The following GNA14 variants were observed in gnomAD, a reference collection of about 807,000 sequenced individuals.
The protein encoded by GNA14 is G protein subunit alpha 14, also known as guanine nucleotide-binding protein subunit alpha-14.
Under a neutral mutation model 42.0 loss-of-function variants are expected in GNA14, and 50 were observed. The ratio of observed to expected loss-of-function variants is 1.19; its 90% CI spans 0.95 to 1.51. GNA14 has a LOEUF of 1.51. Among genes scored for constraint, GNA14 ranks in the 40% most tolerant of loss-of-function variants. The pLI, the probability that GNA14 is intolerant of heterozygous loss-of-function variation, is 0.00. For missense variants in GNA14, 473 were observed against 446.2 expected, an observed-to-expected ratio of 1.06 and a Z score of -0.54; for synonymous variants, 173 against 163.1, an observed-to-expected ratio of 1.06 and a Z score of -0.46.
intron 1 of GNA14, among the ~76,000 whole-genome samples, chr9:77,581,371 G>T (rs1394644703): frequency 6.6e-6 from 1 of 152,132 alleles, no homozygotes; most frequent in African/African-American, 2.4e-5. Flanking sequence ...CCTAGCTATG[G>T]GCAAATCTTC....
intron 2 of GNA14, among the ~76,000 whole-genome samples, chr9:77,503,034 C>T (rs896653114): frequency 4.6e-5 from 7 of 152,144 alleles, no homozygotes; most frequent in African/African-American, 7.2e-5. Flanking sequence ...AACTCAACAC[C>T]GTGTCCTTCC....
intron 2 of GNA14, among the ~76,000 whole-genome samples, chr9:77,495,304 A>AC (rs1836853302): frequency 6.6e-6 from 1 of 151,998 alleles, no homozygotes; most frequent in Admixed American, 6.5e-5. Flanking sequence ...GTTAGTAGCT[A>AC]ACTAGCTAAT....
At chr9:77,448,746 G>T (rs908626894) in intron 2 of GNA14, among the ~76,000 whole-genome samples, 1 of 152,294 alleles carries the variant, frequency 6.6e-6, no homozygotes, top group Admixed American at 6.5e-5. Flanking sequence ...CGAGGTAGAC[G>T]TATGCAACTA....
intron 1 of GNA14, among the ~76,000 whole-genome samples, chr9:77,568,385 G>T (rs766795495): frequency 6.6e-6 from 1 of 151,732 alleles, no homozygotes; most frequent in South Asian, 2.1e-4. Context: ...CCAGCTACTC[G>T]GGAGGCTGAG....
Position 77,443,273 on chromosome 9 carries a change from A to G in GNA14, c.310-8751T>C, listed in dbSNP as rs188812649. 3.3e-5 allele frequency among the ~76,000 whole-genome samples: 5 copies of G among 152,364 alleles called. No homozygotes were observed. The East Asian group carries it at 9.6e-4, about 29-fold the overall frequency. On this transcript the variant is annotated intron_variant, in intron 2 of 6. Coordinates refer to ENST00000341700, the MANE Select transcript of GNA14 (RefSeq NM_004297.4). ...AAAAGCACACCTAGAATATTTATAA[A>G]AATACTTTTAAAAGCATATCTAGAA...
chr9:77,513,639 G>A (rs1359773772), intron 2 of GNA14, among the ~76,000 whole-genome samples: 1 of 152,126 alleles, frequency 6.6e-6, no homozygotes, highest in African/African-American at 2.4e-5. Context: ...TGACACTCCT[G>A]GCCTCTGCCC....
intron 1 of GNA14, among the ~76,000 whole-genome samples, chr9:77,569,190 C>G (rs1001230462): frequency 1.3e-5 from 2 of 151,642 alleles, no homozygotes; most frequent in Non-Finnish European, 2.9e-5. Context: ...AAAAAAGGTT[C>G]CCTCCCCGCA....
chr9:77,432,824 G>C (rs535522400), intron 3 of GNA14, among the ~76,000 whole-genome samples: 40 of 152,210 alleles, frequency 2.6e-4, no homozygotes, highest in Admixed American at 2.4e-3. Context: ...CAATCCCCAG[G>C]CCTTCACAGA....
chr9:77,426,662 G>A (rs1413965924), intron 5 of GNA14, among the ~76,000 whole-genome samples: 1 of 152,172 alleles, frequency 6.6e-6, no homozygotes, highest in African/African-American at 2.4e-5. Context: ...CCTGGGGAAG[G>A]TTGTGTAGAA....
chr9:77,614,764 C>A (rs545560418), intron 1 of GNA14, among the ~76,000 whole-genome samples: 1 of 152,252 alleles, frequency 6.6e-6, no homozygotes, highest in East Asian at 1.9e-4. Flanking sequence ...ATTAATAGAT[C>A]AACTTGGCTT....
intron 1 of GNA14, among the ~76,000 whole-genome samples, chr9:77,542,953 G>A (rs1837677985): frequency 6.6e-6 from 1 of 152,180 alleles, no homozygotes; most frequent in Non-Finnish European, 1.5e-5. Context: ...ACAGGCCACT[G>A]GCACAATGTT....
chr9:77,625,885 A>G (rs1357751387), intron 1 of GNA14, among the ~76,000 whole-genome samples: 15 of 152,212 alleles, frequency 9.9e-5, no homozygotes, highest in Admixed American at 9.8e-4. Context: ...ACACATAACA[A>G]TATTAACCTT....
intron 2 of GNA14, among the ~76,000 whole-genome samples, chr9:77,440,036 T>C (rs572052839): frequency 5.3e-5 from 8 of 152,244 alleles, no homozygotes; most frequent in Admixed American, 3.3e-4. Context: ...ATTCATTTAA[T>C]TGAAAAAAAT....
At chr9:77,443,134 G>C (rs1315026890) in intron 2 of GNA14, among the ~76,000 whole-genome samples, 3 of 152,158 alleles carry the variant, frequency 2.0e-5, no homozygotes, top group African/African-American at 7.2e-5. Context: ...CTCACTGATA[G>C]TGTAAACAAA....
chr9:77,477,971 G>A (rs1265203686), intron 2 of GNA14, among the ~76,000 whole-genome samples: 1 of 149,548 alleles, frequency 6.7e-6, no homozygotes, highest in Admixed American at 6.7e-5. Context: ...ATAGCGATCT[G>A]ATGGGAGTTT....
At chr9:77,504,246 C>G (rs2131745216) in intron 2 of GNA14, among the ~76,000 whole-genome samples, 1 of 152,026 alleles carries the variant, frequency 6.6e-6, no homozygotes, top group Middle Eastern at 3.4e-3. Flanking sequence ...TTTCAAGGGC[C>G]CTTATAAACG....
intron 2 of GNA14, among the ~76,000 whole-genome samples, chr9:77,438,233 G>A (rs1341248472): frequency 5.9e-5 from 9 of 151,958 alleles, no homozygotes; most frequent in African/African-American, 1.7e-4. Flanking sequence ...CTTCAAGTTC[G>A]GAGGTCACTA....
chr9:77,598,845 A>G (rs1204002291), intron 1 of GNA14, among the ~76,000 whole-genome samples: 1 of 152,212 alleles, frequency 6.6e-6, no homozygotes, highest in Non-Finnish European at 1.5e-5. Flanking sequence ...AATTAAGGGA[A>G]AAACACCATG....
intron 2 of GNA14, among the ~76,000 whole-genome samples, chr9:77,458,907 G>A (rs760611573): frequency 1.4e-5 from 2 of 147,388 alleles, no homozygotes; most frequent in Admixed American, 6.7e-5. Context: ...AAGCTGGAGG[G>A]GGGGGGGTTG....
Sources: gnomAD v4.1 joint callset for allele counts (sites outside exome capture counted in the v4.1 genomes callset) on GRCh38, gnomAD v4.1.1 for gene constraint, MANE v1.5 for transcripts, NCBI Gene and HGNC (gene_info 2026-07-23, HGNC 2026-07-21) for gene names.